Variants in RC3H2 observed in about 807,000 individuals in gnomAD.
The protein encoded by RC3H2 is ring finger and CCCH-type domains 2, also known as roquin-2.
Under a neutral mutation model 133.3 loss-of-function variants are expected in RC3H2, and 31 were observed. The ratio of observed to expected loss-of-function variants is 0.23; its 90% CI spans 0.17 to 0.31. The LOEUF is 0.31. Among genes scored for constraint, RC3H2 ranks in the 10% least tolerant of loss-of-function variants. The pLI, the probability that RC3H2 is intolerant of heterozygous loss-of-function variation, is 1.00. For missense variants in RC3H2, 1,175 were observed against 1,437.2 expected, an observed-to-expected ratio of 0.82 and a Z score of 2.95; for synonymous variants, 517 against 502.2, an observed-to-expected ratio of 1.03 and a Z score of -0.40.
chr9:122,860,451 G>A (rs1384391875), intron 10 of RC3H2, among the ~76,000 whole-genome samples: 3 of 146,406 alleles, frequency 2.0e-5, no homozygotes, highest in African/African-American at 5.1e-5. Context: ...TCTGTCACCC[G>A]GGCTGGAGTG....
intron 1 of RC3H2, among the ~76,000 whole-genome samples, chr9:122,901,748 T>C (rs1357272826): frequency 6.9e-6 from 1 of 144,250 alleles, no homozygotes; most frequent in Non-Finnish European, 1.5e-5. Flanking sequence ...CGCACCACCA[T>C]GCCCGGTTAA....
intron 8 of RC3H2, among the ~76,000 whole-genome samples, chr9:122,878,324 T>C (rs1047334055): frequency 1.3e-4 from 20 of 152,138 alleles, no homozygotes; most frequent in Admixed American, 5.2e-4. Context: ...TGGAGTGCAG[T>C]GGCGCCATCT....
rs1217777677 is a variant in RC3H2 at position 122,880,801 on chromosome 9, A to C, written c.760-7T>G. On this transcript the variant is annotated splice_region_variant and splice_polypyrimidine_tract_variant and intron_variant, in intron 5 of 20. Coordinates refer to ENST00000357244, the MANE Select transcript of RC3H2 (RefSeq NM_001100588.3). ...CTTCATCTCTTTTGGTAACCTAAAA[A>C]ATAGAAAAGAGAAAAATCAGAATTG... The C allele has an allele frequency of 1.2e-6, 2 of 1,606,262 alleles. No homozygotes were observed. The highest frequency in any genetic ancestry group is 1.3e-5 in the African/African-American group (1 of 74,790).
chr9:122,876,522 G>A (rs1187633778), intron 9 of RC3H2, among the ~76,000 whole-genome samples: 1 of 151,912 alleles, frequency 6.6e-6, no homozygotes, highest in Non-Finnish European at 1.5e-5. Flanking sequence ...CAGCTACTCG[G>A]GAGGCTGAGG....
chr9:122,894,010 C>T (rs997804875), intron 2 of RC3H2, among the ~76,000 whole-genome samples: 7 of 152,158 alleles, frequency 4.6e-5, no homozygotes, highest in Middle Eastern at 6.8e-3. Context: ...CTTGGAATCC[C>T]GCACTTTGGG....
chr9:122,861,377 C>A (rs1830448445), intron 10 of RC3H2, among the ~76,000 whole-genome samples: 1 of 151,316 alleles, frequency 6.6e-6, no homozygotes, highest in Non-Finnish European at 1.5e-5. Flanking sequence ...GTAATCCCAG[C>A]TACTTGGGAG....
chr9:122,866,214 T>A (rs2131409858), intron 9 of RC3H2, among the ~76,000 whole-genome samples: 1 of 152,390 alleles, frequency 6.6e-6, no homozygotes, highest in South Asian at 2.1e-4. Context: ...CAGAATAGTT[T>A]ATACCTAAAG....
intron 9 of RC3H2, among the ~76,000 whole-genome samples, chr9:122,872,509 A>G (rs1245652110): frequency 1.3e-5 from 2 of 152,218 alleles, no homozygotes; most frequent in East Asian, 3.8e-4. Context: ...ATTCTTTGCT[A>G]TGGCCAAAAT....
At position 122,883,230 on chromosome 9, in the gene RC3H2, G is replaced by C; in HGVS notation, c.733C>G (p.Leu245Val). 6.2e-7 allele frequency: 1 copy of C among 1,613,410 alleles called. No homozygotes were observed. Among genetic ancestry groups the C allele is most frequent in the Non-Finnish European group, 8.5e-7 (1 of 1,179,828 alleles). Residue 245 changes from leucine (L) to valine (V), a missense_variant, in exon 5 of 21, where the codon CTA becomes GTA. Transcript: ENST00000357244. ...TTAAAACAAGAAGCTCGATACAGTAGTTGCACAACATGACCAATACTTGTT... is the reference window on the plus strand; with the variant it reads ...TTAAAACAAGAAGCTCGATACAGTACTTGCACAACATGACCAATACTTGTT... Reference protein sequence around the residue: ...SKTSIGHVVQLLYRASCFKVT... With the variant: ...SKTSIGHVVQVLYRASCFKVT...
At chr9:122,896,079 C>A (rs1832404656) in intron 2 of RC3H2, among the ~76,000 whole-genome samples, 1 of 147,496 alleles carries the variant, frequency 6.8e-6, no homozygotes. Flanking sequence ...TTGTCTTGGG[C>A]CACACATAAG....
chr9:122,891,789 T>C (rs1252657329), intron 3 of RC3H2, among the ~76,000 whole-genome samples: 1 of 152,206 alleles, frequency 6.6e-6, no homozygotes, highest in Non-Finnish European at 1.5e-5. Flanking sequence ...AGGTACAAAA[T>C]ACTCAATATA....
At position 122,865,513 on chromosome 9, in the gene RC3H2, A is replaced by G; in HGVS notation, c.1470T>C (p.Val490=). Residue 490 remains valine (V), a synonymous_variant, in exon 10 of 21, where the codon GTT becomes GTC. Transcript: ENST00000357244. ...CATTTGAAATTCCGTTTGTACTTGG[A>G]ACAATTTTCCCTGTTGTTTCAGTAC... ...IGSTETTGKI[V]PSTNGISNAE... is the part of the protein sequence containing the mutation. 1.9e-6 allele frequency: 3 copies of G among 1,614,190 alleles called. No individual in the cohort carries two copies. The highest frequency in any genetic ancestry group is 2.5e-6 in the Non-Finnish European group (3 of 1,180,028).
At position 122,880,550 on chromosome 9, in the gene RC3H2, T is replaced by C. The variant is rs1335910282; in HGVS notation, c.960+44A>G. 14 of 1,431,932 alleles carry C rather than the reference T, an allele frequency of 9.8e-6. No homozygotes were observed. The African/African-American group carries it at 1.1e-4, about 11-fold the overall frequency. The allele number at this position is 1,431,932 out of a possible 1,614,324, so 88.7% of individuals were successfully genotyped here. The stretch of plus-strand genomic sequence containing the variant: ...TTTAGAATATTCTAATACTCTTCAA[T>C]GTAACAGCAATGATAGAACATCAGC... On this transcript the variant is annotated intron_variant, in intron 6 of 20. Coordinates refer to ENST00000357244, the MANE Select transcript of RC3H2 (RefSeq NM_001100588.3).
Position 122,904,994 on chromosome 9 carries a change from G to A in RC3H2, c.-68+116C>T, listed in dbSNP as rs961376629. ...GCGGCCCTCAGTTCCCAACCCTCGAGGCACCAGGGGCGACAGCGCACAGGC... is the reference window on the plus strand; with the variant it reads ...GCGGCCCTCAGTTCCCAACCCTCGAAGCACCAGGGGCGACAGCGCACAGGC... On this transcript the variant is annotated intron_variant, in intron 1 of 20. Coordinates refer to ENST00000357244, the MANE Select transcript of RC3H2 (RefSeq NM_001100588.3). 1.1e-4 allele frequency: 83 copies of A among 729,430 alleles called. No individual in the cohort carries two copies. The African/African-American group carries it at 1.5e-3, about 13-fold the overall frequency. 45.2% of individuals were successfully genotyped at this position (729,430 alleles called of 1,614,324 possible).
intron 1 of RC3H2, chr9:122,898,177 A>G (rs923633470): frequency 8.5e-5 from 13 of 152,254 alleles, no homozygotes; most frequent in African/African-American, 3.1e-4. Context: ...GAGATGATTA[A>G]GAGAGCTGTT....
rs537480379 is a variant in RC3H2 at position 122,880,849 on chromosome 9, T to A, written c.760-55A>T. On this transcript the variant is annotated intron_variant, in intron 5 of 20. Transcript: ENST00000357244. Reference sequence around the variant, plus strand: ...TTGGTCTGTGCTTTCTCCCTTCAACTGATTCGTTTATTCCTTTTTCAGGGA... The same window carrying A: ...TTGGTCTGTGCTTTCTCCCTTCAACAGATTCGTTTATTCCTTTTTCAGGGA... 6.2e-6 allele frequency: 8 copies of A among 1,295,238 alleles called. No individual in the cohort carries two copies. In the South Asian group the frequency reaches 7.2e-5, roughly 12 times the overall value. The allele number at this position is 1,295,238 out of a possible 1,614,324, so 80.2% of individuals were successfully genotyped here. A position where few individuals can be genotyped will look rare whatever the true frequency, so the allele number is the denominator to read the frequency against.
chr9:122,884,637 G>A lies in RC3H2; in HGVS notation c.584-1258C>T, dbSNP rs141095156. On this transcript the variant is annotated intron_variant, in intron 4 of 20. Coordinates refer to ENST00000357244, the MANE Select transcript of RC3H2 (RefSeq NM_001100588.3). ...GGAGGCCAAGGTGGGCACATCACCT[G>A]AGGTCATGAGTTCGAGACCATCCTG... Among the ~76,000 whole-genome samples, 982 of 152,016 alleles carry A rather than the reference G, an allele frequency of 6.5e-3. 6 individuals are homozygous for A. The highest frequency in any genetic ancestry group is 0.023 in the African/African-American group (944 of 41,452).
intron 1 of RC3H2, among the ~76,000 whole-genome samples, chr9:122,898,375 C>T (rs750076818): frequency 4.6e-5 from 7 of 152,006 alleles, no homozygotes; most frequent in Non-Finnish European, 1.0e-4. Flanking sequence ...AAACATTATT[C>T]TAAAAAGTTA....
In RC3H2 at chr9:122,892,968, A is replaced by T; in HGVS notation, c.290T>A (p.Val97Asp). 1 of 1,613,242 alleles carries T rather than the reference A, an allele frequency of 6.2e-7. No homozygotes were observed. Among genetic ancestry groups the T allele is most frequent in the Non-Finnish European group, 8.5e-7 (1 of 1,179,954 alleles). The change falls in exon 3 of 21, where the codon GTT becomes GAT. Residue 97 changes from valine (V) to aspartate (D), a missense_variant. Transcript: ENST00000357244. ...CAAATCCTCAACGCATTTCTTTGCA[A>T]CCTCATAGTGTTTATTCTCACCTAG... is the stretch of plus-strand genomic sequence containing the variant. ...SNLGENKHYE[V>D]AKKCVEDLAL...
Sources: gnomAD v4.1 joint callset for allele counts (sites outside exome capture counted in the v4.1 genomes callset) on GRCh38, gnomAD v4.1.1 for gene constraint, MANE v1.5 for transcripts, NCBI Gene and HGNC (gene_info 2026-07-23, HGNC 2026-07-21) for gene names.